GRM5: variants seen among roughly 807,000 people sequenced by gnomAD.
GRM5 encodes metabotropic glutamate receptor 5.
GRM5 carries 19 observed loss-of-function variants against 83.1 expected under a neutral mutation model. The ratio of observed to expected loss-of-function variants is 0.23; its 90% CI spans 0.16 to 0.34. The LOEUF (loss-of-function observed/expected upper bound fraction) is 0.34. Ranked by LOEUF, GRM5 falls within the 10% of genes least tolerant of loss-of-function variation. The probability of loss-of-function intolerance (pLI) is 1.00; values close to 1 mark genes in which losing one functional copy is unlikely to be tolerated. For synonymous variants in GRM5, 675 were observed against 633.6 expected (o/e 1.07, Z -0.98); for missense variants, 1,160 against 1,588.3 (o/e 0.73, Z 4.58).
intron 2 of GRM5, among the ~76,000 whole-genome samples, chr11:88,951,758 G>T (rs1278868632): frequency 6.6e-6 from 1 of 152,190 alleles, no homozygotes; most frequent in Non-Finnish European, 1.5e-5. Context: ...AAGTACAATT[G>T]TTGGCACATA....
At chr11:88,999,641 G>C (rs963724881) in intron 2 of GRM5, among the ~76,000 whole-genome samples, 12 of 152,106 alleles carry the variant, frequency 7.9e-5, no homozygotes, top group Non-Finnish European at 1.8e-4. Context: ...CTGTTGGTGG[G>C]ACTGTAAACT....
At chr11:88,540,310 C>T (rs1350517413) in intron 8 of GRM5, among the ~76,000 whole-genome samples, 1 of 152,138 alleles carries the variant, frequency 6.6e-6, no homozygotes, top group African/African-American at 2.4e-5. Flanking sequence ...TGTCTTTGGA[C>T]AACTTAGAAA....
At chr11:88,866,485 G>A (rs1172272437) in intron 2 of GRM5, among the ~76,000 whole-genome samples, 1 of 151,834 alleles carries the variant, frequency 6.6e-6, no homozygotes, top group Non-Finnish European at 1.5e-5. Flanking sequence ...AGACTACCAT[G>A]GCATGTGTAT....
chr11:88,994,504 A>G (rs1256855461), intron 2 of GRM5, among the ~76,000 whole-genome samples: 7 of 137,492 alleles, frequency 5.1e-5, no homozygotes, highest in African/African-American at 1.3e-4. Context: ...GCTGCAAAGT[A>G]TTGATATGAC....
chr11:88,643,803 T>C (rs1370849959), intron 4 of GRM5, among the ~76,000 whole-genome samples: 2 of 152,336 alleles, frequency 1.3e-5, no homozygotes, highest in Admixed American at 6.5e-5. Flanking sequence ...GTTTGAGAGA[T>C]ACTCAAGTGT....
At chr11:88,634,050 G>A (rs1240897845) in intron 4 of GRM5, among the ~76,000 whole-genome samples, 1 of 152,148 alleles carries the variant, frequency 6.6e-6, no homozygotes, top group Non-Finnish European at 1.5e-5. Context: ...ATACAAAGGT[G>A]TAAGTATTTG....
At chr11:88,902,844 G>A (rs114948347) in intron 2 of GRM5, among the ~76,000 whole-genome samples, 3,483 of 151,120 alleles carry the variant, frequency 0.023, 132 homozygotes, top group African/African-American at 0.081. Context: ...CCAGCTACTA[G>A]GGAGGTTGAG....
chr11:88,813,307 A>G (rs185933740), intron 3 of GRM5, among the ~76,000 whole-genome samples: 1 of 152,266 alleles, frequency 6.6e-6, no homozygotes, highest in East Asian at 1.9e-4. Context: ...TAAGTGCATG[A>G]ATGATTAATG....
At chr11:88,922,194 C>T (rs1945705045) in intron 2 of GRM5, among the ~76,000 whole-genome samples, 1 of 152,106 alleles carries the variant, frequency 6.6e-6, no homozygotes, top group South Asian at 2.1e-4. Context: ...AAATTTCTAT[C>T]AAAATACCAT....
rs552444185 is a variant in GRM5, at chr11:88,999,240, A to C, written c.661+47972T>G. ...AACAAAAGACAAAATTGACAAATGG[A>C]ATCTAATTAAACTAAAGAGCTTCTG... is the stretch of plus-strand genomic sequence containing the variant. On this transcript the variant is annotated intron_variant, in intron 2 of 9. Transcript: ENST00000305447. Among the ~76,000 whole-genome samples, 19 of 152,180 alleles carry C rather than the reference A, an allele frequency of 1.2e-4. No individual in the cohort carries two copies. The South Asian group carries it at 1.7e-3, about 13-fold the overall frequency.
At chr11:88,767,163 T>C (rs1240827103) in intron 3 of GRM5, among the ~76,000 whole-genome samples, 1 of 151,882 alleles carries the variant, frequency 6.6e-6, no homozygotes, top group Non-Finnish European at 1.5e-5. Flanking sequence ...ATGGCTATTA[T>C]GTAAAATTCA....
intron 6 of GRM5, among the ~76,000 whole-genome samples, chr11:88,592,253 T>A (rs1156726493): frequency 6.6e-6 from 1 of 152,224 alleles, no homozygotes; most frequent in African/African-American, 2.4e-5. Context: ...TTTAAGATAA[T>A]AATATCTACC....
At chr11:89,060,746 G>A (rs1941975372) in intron 1 of GRM5, among the ~76,000 whole-genome samples, 1 of 152,038 alleles carries the variant, frequency 6.6e-6, no homozygotes, top group Non-Finnish European at 1.5e-5. Flanking sequence ...ATGCCTTAAT[G>A]TTTTTTAGAA....
chr11:88,750,169 T>C (rs1415889116), intron 3 of GRM5, among the ~76,000 whole-genome samples: 3 of 152,084 alleles, frequency 2.0e-5, no homozygotes, highest in Non-Finnish European at 2.9e-5. Context: ...CAAGACCCAT[T>C]GTAATGCTGT....
In GRM5 at chr11:88,653,206, A is replaced by G. The variant is rs760877579; in HGVS notation, c.1109T>C (p.Phe370Ser). The G allele has an allele frequency of 6.2e-7, 1 of 1,612,048 alleles. No individual in the cohort carries two copies. The highest frequency in any genetic ancestry group is 8.5e-7 in the Non-Finnish European group (1 of 1,178,448). The change falls in exon 4 of 10, where the codon TTT becomes TCT. Residue 370 changes from phenylalanine to serine, a missense_variant. This residue lies in a region of GRM5 where 132 missense variants were observed against 197.6 expected (regional missense o/e 0.67). Transcript: ENST00000305447. ...GTTGTATTTGCTGTTCTCCTGTGGA[A>G]ACCCTTCCAGTCGGCACTGAAAACG... ...QHRFQCRLEG[F>S]PQENSKYNKT...
At chr11:88,826,903 T>C (rs1181789762) in intron 3 of GRM5, among the ~76,000 whole-genome samples, 1 of 152,142 alleles carries the variant, frequency 6.6e-6, no homozygotes, top group African/African-American at 2.4e-5. Flanking sequence ...ACTTCAAAAA[T>C]GGAAAAGTGG....
At chr11:88,543,902 TA>T (rs1379733614) in intron 8 of GRM5, among the ~76,000 whole-genome samples, 1 of 152,176 alleles carries the variant, frequency 6.6e-6, no homozygotes, top group Non-Finnish European at 1.5e-5. Context: ...GTTGAAAACT[TA>T]ATTGCCGTGT....
intron 9 of GRM5, among the ~76,000 whole-genome samples, chr11:88,520,134 T>C (rs1941641232): frequency 1.3e-5 from 2 of 152,198 alleles, no homozygotes; most frequent in African/African-American, 4.8e-5. Context: ...ACCTTCTTTA[T>C]ATGTTCTTGG....
At chr11:88,976,546 CAA>C (rs5793376) in intron 2 of GRM5, among the ~76,000 whole-genome samples, 3,882 of 142,530 alleles carry the variant, frequency 0.027, 153 homozygotes, top group African/African-American at 0.084. Flanking sequence ...CAGGGCTTGG[CAA>C]AAAAAAAAAA....
Sources: allele counts gnomAD v4.1 joint callset (sites outside exome capture counted in the v4.1 genomes callset), GRCh38; gene constraint gnomAD v4.1.1; regional missense constraint gnomAD v4.1.1; transcripts MANE v1.5; gene names NCBI Gene and HGNC (gene_info 2026-07-23, HGNC 2026-07-21).